Variants in HDAC9 observed in about 807,000 individuals in gnomAD.
HDAC9 encodes histone deacetylase 9.
A neutral mutation model predicts 139.4 loss-of-function variants in HDAC9; 41 were observed. That is an observed-to-expected ratio of 0.29 (90% CI 0.23 to 0.38). HDAC9 has a LOEUF of 0.38. Among genes scored for constraint, HDAC9 ranks in the 10% least tolerant of loss-of-function variants. The pLI is 1.00. For synonymous variants in HDAC9, 517 were observed against 476.2 expected, an observed-to-expected ratio of 1.09 and a Z score of -1.12; for missense variants, 1,147 against 1,297.0, an observed-to-expected ratio of 0.88 and a Z score of 1.78.
At chr7:18,984,173 T>C (rs953515131) in intron 25 of HDAC9, among the ~76,000 whole-genome samples, 4 of 152,096 alleles carry the variant, frequency 2.6e-5, no homozygotes, top group Non-Finnish European at 2.9e-5. Context: ...AGAATCTGCA[T>C]CCCTTTGGCT....
chr7:18,662,234 T>A (rs1404240152), intron 11 of HDAC9, among the ~76,000 whole-genome samples: 1 of 152,116 alleles, frequency 6.6e-6, no homozygotes, highest in Admixed American at 6.6e-5. Context: ...CCTATTAATA[T>A]CATATTTAAA....
chr7:18,893,055 G>GAA (rs796221298), intron 22 of HDAC9, among the ~76,000 whole-genome samples: 3,921 of 70,498 alleles, frequency 0.056, 136 homozygotes, highest in African/African-American at 0.13. Flanking sequence ...AAAAAAAAAA[G>GAA]AAAAGAAAAG....
intron 2 of HDAC9, among the ~76,000 whole-genome samples, chr7:18,163,304 C>T (rs1787781649): frequency 6.6e-6 from 1 of 152,156 alleles, no homozygotes; most frequent in South Asian, 2.1e-4. Flanking sequence ...GTCCAGAAAT[C>T]CCTGAGTCTT....
chr7:18,487,820 C>T lies in HDAC9; in HGVS notation c.-41-8442C>T, dbSNP rs747367800. Among the ~76,000 whole-genome samples, 7 of 152,100 alleles carry T rather than the reference C, an allele frequency of 4.6e-5. No homozygotes were observed. In the South Asian group the frequency reaches 1.2e-3, roughly 27 times the overall value. On this transcript the variant is annotated intron_variant, in intron 1 of 3. Transcript: ENST00000413509. ...TTATAGATCATGGTGTGGTATGCCA[C>T]GTATCAACTTGACTTTTGTAGCAAG...
chr7:18,224,134 C>T (rs920385926), intron 2 of HDAC9, among the ~76,000 whole-genome samples: 7 of 152,216 alleles, frequency 4.6e-5, no homozygotes, highest in South Asian at 4.1e-4. Flanking sequence ...TTCACATGTA[C>T]GTATGACTGC....
chr7:18,508,023 T>C (rs954237686), intron 2 of HDAC9, among the ~76,000 whole-genome samples: 3 of 152,108 alleles, frequency 2.0e-5, no homozygotes, highest in African/African-American at 7.2e-5. Flanking sequence ...AAAGAGTCAT[T>C]TATCGGTTCA....
chr7:18,150,333 G>A (rs894685620), intron 1 of HDAC9, among the ~76,000 whole-genome samples: 1 of 152,012 alleles, frequency 6.6e-6, no homozygotes, highest in Non-Finnish European at 1.5e-5. Context: ...AGAGTGATGG[G>A]TTTATAAAAT....
At chr7:18,404,358 T>C (rs1787816025) in intron 1 of HDAC9, among the ~76,000 whole-genome samples, 1 of 151,944 alleles carries the variant, frequency 6.6e-6, no homozygotes, top group Non-Finnish European at 1.5e-5. Flanking sequence ...AAATAATAAA[T>C]CATGTAAACG....
intron 1 of HDAC9, among the ~76,000 whole-genome samples, chr7:18,417,292 C>G (rs1300607703): frequency 6.6e-6 from 1 of 152,070 alleles, no homozygotes; most frequent in Non-Finnish European, 1.5e-5. Context: ...TTTTTTATAT[C>G]TTCTGTATTT....
intron 22 of HDAC9, among the ~76,000 whole-genome samples, chr7:18,921,210 A>G (rs1243183653): frequency 1.3e-5 from 2 of 152,202 alleles, no homozygotes; most frequent in South Asian, 2.1e-4. Flanking sequence ...AGCAATGGCA[A>G]CAAAAGCCAA....
intron 22 of HDAC9, among the ~76,000 whole-genome samples, chr7:18,906,035 C>A (rs1448013440): frequency 6.7e-6 from 1 of 150,140 alleles, no homozygotes; most frequent in East Asian, 1.9e-4. Context: ...TTCTTTCTCT[C>A]TCTCTTTTCT....
At chr7:18,279,723 C>A (rs968203649) in intron 2 of HDAC9, among the ~76,000 whole-genome samples, 2 of 152,072 alleles carry the variant, frequency 1.3e-5, no homozygotes, top group East Asian at 3.9e-4. Flanking sequence ...CTCGACCCCC[C>A]AAAGTACTGG....
In HDAC9 at chr7:18,429,359, C is replaced by T. The variant is rs1468742144; in HGVS notation, c.-41-66903C>T. ...TCTTTTATCTTACCCTCCCCACTGC[C>T]ACCTTTCTACATTGTGCCAAGTTCT... On this transcript the variant is annotated intron_variant, in intron 1 of 3. Coordinates refer to the HDAC9 transcript ENST00000413509. 2.0e-5 allele frequency: 3 copies of T among 152,282 alleles called. No individual in the cohort carries two copies. In the East Asian group the frequency reaches 5.8e-4, roughly 29 times the overall value. 9.4% of individuals were successfully genotyped at this position (152,282 alleles called of 1,614,324 possible). A position where few individuals can be genotyped will look rare whatever the true frequency, so the allele number is the denominator to read the frequency against.
chr7:18,315,719 G>A (rs781245020), intron 1 of HDAC9, among the ~76,000 whole-genome samples: 4 of 152,152 alleles, frequency 2.6e-5, no homozygotes, highest in African/African-American at 4.8e-5. Flanking sequence ...CTCACCTTTG[G>A]ATGTTGAGAG....
intron 1 of HDAC9, among the ~76,000 whole-genome samples, chr7:18,400,714 A>G (rs1015950584): frequency 5.9e-5 from 9 of 151,996 alleles, no homozygotes; most frequent in African/African-American, 2.2e-4. Context: ...ATGAATTAGG[A>G]CTCTACTGGA....
At chr7:18,402,826 A>G (rs1787670809) in intron 1 of HDAC9, among the ~76,000 whole-genome samples, 1 of 152,228 alleles carries the variant, frequency 6.6e-6, no homozygotes, top group African/African-American at 2.4e-5. Context: ...CAGACTCAAT[A>G]AAAAGCCATA....
intron 3 of HDAC9, among the ~76,000 whole-genome samples, chr7:18,587,129 A>T (rs1380701415): frequency 1.3e-5 from 2 of 152,142 alleles, no homozygotes. Flanking sequence ...CTTTTCATTT[A>T]TATTGCTGCC....
intron 1 of HDAC9, among the ~76,000 whole-genome samples, chr7:18,122,030 G>T (rs1784394642): frequency 6.6e-6 from 1 of 152,162 alleles, no homozygotes; most frequent in African/African-American, 2.4e-5. Flanking sequence ...CAACATGCCA[G>T]TTCCCCAGAA....
intron 2 of HDAC9, among the ~76,000 whole-genome samples, chr7:18,544,466 G>A (rs1814086954): frequency 6.6e-6 from 1 of 152,178 alleles, no homozygotes. Context: ...AAGGGACAGT[G>A]TTTAGGAAAA....
Sources: gnomAD v4.1 joint callset for allele counts (sites outside exome capture counted in the v4.1 genomes callset) on GRCh38, gnomAD v4.1.1 for gene constraint, MANE v1.5 for transcripts, NCBI Gene and HGNC (gene_info 2026-07-23, HGNC 2026-07-21) for gene names.